The following TASP1 variants were observed in gnomAD, a reference collection of about 807,000 sequenced individuals.
TASP1 encodes the protein threonine aspartase 1.
A neutral mutation model predicts 56.6 loss-of-function variants in TASP1; 16 were observed. That is an observed-to-expected ratio of 0.28 (90% CI 0.19 to 0.43). TASP1 has a LOEUF of 0.43. Ranked by LOEUF, TASP1 falls within the 20% of genes least tolerant of loss-of-function variation. The probability of loss-of-function intolerance (pLI) is 1.00; values close to 1 mark genes in which losing one functional copy is unlikely to be tolerated. For missense variants in TASP1, 393 were observed against 511.6 expected (o/e 0.77, Z 2.24); for synonymous variants, 179 against 184.2 (o/e 0.97, Z 0.23).
the TASP1 span, among the ~76,000 whole-genome samples, chr20:13,254,823 C>T: frequency 3.3e-5 from 5 of 152,306 alleles, no homozygotes; most frequent in African/African-American, 4.8e-5. Flanking sequence ...ACACATGGTT[C>T]GAGAGATGTA....
chr20:13,505,937 G>C lies in TASP1; in HGVS notation c.874+22496C>G, dbSNP rs191411465. On this transcript the variant is annotated intron_variant, in intron 10 of 13. Transcript: ENST00000337743. ...GCAGAAATAAATAAAATCAAGACTA[G>C]ATAACCAATAGAAAAGATCAACAAA... Among the ~76,000 whole-genome samples, 178 of 151,828 alleles carry C rather than the reference G, an allele frequency of 1.2e-3. 1 individual carries two copies. Among genetic ancestry groups the C allele is most frequent in the Non-Finnish European group, 2.2e-3 (146 of 67,866 alleles).
the TASP1 span, among the ~76,000 whole-genome samples, chr20:13,309,807 A>C: frequency 6.6e-6 from 1 of 152,076 alleles, no homozygotes; most frequent in Non-Finnish European, 1.5e-5. Context: ...CAAAAAAACT[A>C]TCCAAAAAAG....
At chr20:13,557,562 G>A (rs6079102) in intron 8 of TASP1, among the ~76,000 whole-genome samples, 90,026 of 145,424 alleles carry the variant, frequency 0.62, 28,126 homozygotes, top group Non-Finnish European at 0.68. Flanking sequence ...ATTTTATTAC[G>A]ATGTTTTTGG....
chr20:13,494,863 A>G (rs993228381), intron 10 of TASP1, among the ~76,000 whole-genome samples: 2 of 152,086 alleles, frequency 1.3e-5, no homozygotes, highest in Non-Finnish European at 2.9e-5. Context: ...AGAAAGTCCT[A>G]TAAATAGTAA....
chr20:13,476,517 T>C (rs1412240577), intron 11 of TASP1, among the ~76,000 whole-genome samples: 3 of 152,190 alleles, frequency 2.0e-5, no homozygotes, highest in Non-Finnish European at 2.9e-5. Flanking sequence ...TCCTGAACTT[T>C]AGTACAGTGC....
the TASP1 span, among the ~76,000 whole-genome samples, chr20:13,298,712 A>G: frequency 6.6e-6 from 1 of 152,210 alleles, no homozygotes; most frequent in Admixed American, 6.5e-5. Flanking sequence ...CTTGTGAATA[A>G]TGAAGTTCCC....
chr20:13,541,067 G>C (rs2045603368), intron 8 of TASP1, among the ~76,000 whole-genome samples: 1 of 152,052 alleles, frequency 6.6e-6, no homozygotes. Flanking sequence ...AAGAGACATG[G>C]CTCAAAGTCT....
intron 10 of TASP1, among the ~76,000 whole-genome samples, chr20:13,512,522 A>T (rs187369279): frequency 1.6e-3 from 238 of 152,244 alleles, no homozygotes; most frequent in Middle Eastern, 3.4e-3. Context: ...AGATGAGTAG[A>T]TTGCAAAACT....
At chr20:13,411,287 G>A (rs1478804897) in intron 13 of TASP1, among the ~76,000 whole-genome samples, 5 of 152,100 alleles carry the variant, frequency 3.3e-5, no homozygotes, top group Admixed American at 6.6e-5. Context: ...CAAGGATTGC[G>A]TTGGCTATTT....
At chr20:13,277,636 C>G in the TASP1 span, among the ~76,000 whole-genome samples, 1 of 137,870 alleles carries the variant, frequency 7.3e-6, no homozygotes, top group Non-Finnish European at 1.5e-5. Context: ...TTTTCTTCCC[C>G]CCTACCCTTT....
chr20:13,298,672 A>G, the TASP1 span, among the ~76,000 whole-genome samples: 2 of 152,236 alleles, frequency 1.3e-5, no homozygotes, highest in African/African-American at 4.8e-5. Context: ...TGAAAATTTC[A>G]TAATATAAAG....
chr20:13,220,976 C>A, the TASP1 span, among the ~76,000 whole-genome samples: 1 of 152,188 alleles, frequency 6.6e-6, no homozygotes, highest in African/African-American at 2.4e-5. Context: ...TTGGTACAGC[C>A]CGGCAGGCTG....
chr20:13,348,752 T>A, the TASP1 span, among the ~76,000 whole-genome samples: 1 of 152,190 alleles, frequency 6.6e-6, no homozygotes, highest in Non-Finnish European at 1.5e-5. Context: ...TGGGGCTTTA[T>A]TTTTGGCTCT....
intron 4 of TASP1, among the ~76,000 whole-genome samples, chr20:13,591,991 CA>C (rs905435146): frequency 1.5e-4 from 23 of 151,980 alleles, no homozygotes; most frequent in African/African-American, 5.1e-4. Flanking sequence ...AAAAATGGTT[CA>C]TTTTTTTTAA....
chr20:13,586,072 T>C (rs1427517328), intron 5 of TASP1, among the ~76,000 whole-genome samples: 3 of 149,972 alleles, frequency 2.0e-5, no homozygotes, highest in Non-Finnish European at 4.4e-5. Context: ...GAGGCAGAGG[T>C]TGCAGTGAGC....
chr20:13,558,376 C>G (rs914813741), intron 8 of TASP1, among the ~76,000 whole-genome samples: 2 of 152,178 alleles, frequency 1.3e-5, no homozygotes, highest in Non-Finnish European at 2.9e-5. Flanking sequence ...TACTTACACT[C>G]TACTCCCTAA....
intron 8 of TASP1, among the ~76,000 whole-genome samples, chr20:13,544,793 C>T (rs2045748370): frequency 6.6e-6 from 1 of 152,154 alleles, no homozygotes; most frequent in South Asian, 2.1e-4. Context: ...GATAAAATTA[C>T]ACTTTCTCTT....
intron 11 of TASP1, among the ~76,000 whole-genome samples, chr20:13,473,019 T>C (rs6042142): frequency 3.9e-5 from 6 of 151,950 alleles, no homozygotes; most frequent in Non-Finnish European, 8.8e-5. Flanking sequence ...AACATGCTAC[T>C]ATAAAGACAC....
chr20:13,484,385 T>C (rs1418930106), intron 10 of TASP1, among the ~76,000 whole-genome samples: 2 of 152,150 alleles, frequency 1.3e-5, no homozygotes, highest in Non-Finnish European at 2.9e-5. Flanking sequence ...CTCTTCACAA[T>C]AGCAAAGACT....
Sources: allele counts gnomAD v4.1 joint callset (sites outside exome capture counted in the v4.1 genomes callset), GRCh38; gene constraint gnomAD v4.1.1; transcripts MANE v1.5; gene names NCBI Gene and HGNC (gene_info 2026-07-23, HGNC 2026-07-21).